The following CDKN2AIP variants were observed in gnomAD, a reference collection of about 807,000 sequenced individuals.
The protein encoded by CDKN2AIP is CDKN2A-interacting protein.
CDKN2AIP carries 12 observed loss-of-function variants against 44.1 expected under a neutral mutation model. The ratio of observed to expected loss-of-function variants is 0.27; its 90% CI spans 0.17 to 0.44. The LOEUF (loss-of-function observed/expected upper bound fraction) is 0.44. Among genes scored for constraint, CDKN2AIP ranks in the 20% least tolerant of loss-of-function variants. The probability of loss-of-function intolerance (pLI) is 1.00; values close to 1 mark genes in which losing one functional copy is unlikely to be tolerated. For missense variants in CDKN2AIP, 705 were observed against 681.6 expected (o/e 1.03, Z -0.38); for synonymous variants, 291 against 272.1 (o/e 1.07, Z -0.68).
chr4:183,445,493 AG>A (rs764034598), intron 1 of CDKN2AIP, 41 bp from the exon 2 acceptor site: 16 of 1,562,044 alleles, frequency 1.0e-5, no homozygotes, highest in Non-Finnish European at 1.3e-5. Context: ...GTAGGACCTT[AG>A]AAAAAACACT....
Position 183,446,099 on chromosome 4 carries a change from GA to G in CDKN2AIP, c.416del (p.Glu139GlyfsTer8). On this transcript the variant is annotated frameshift_variant, in exon 3 of 3. Coordinates refer to ENST00000504169, the MANE Select transcript of CDKN2AIP (RefSeq NM_017632.4). LOFTEE classifies it high-confidence loss of function. ...GISSSNEGVE[E>X]PSKKRVIEGK... ...TTTCTTCTTTTTAGAAGGGGTAGAA[GA>G]GCCATCCAAAAAACGAGTTATAGAA... The G allele has an allele frequency of 6.2e-7, 1 of 1,608,586 alleles. No individual in the cohort carries two copies. Among genetic ancestry groups the G allele is most frequent in the Non-Finnish European group, 8.5e-7 (1 of 1,177,574 alleles).
chr4:183,445,898 T>G lies in CDKN2AIP; in HGVS notation c.404-190T>G, dbSNP rs1025442577. On this transcript the variant is annotated intron_variant, in intron 2 of 2. Transcript: ENST00000504169. Reference sequence around the variant, plus strand: ...GTCCACTGTTGTCTGATGCTGTTATTTTTTTAATATTAGACATTCATGATG... The same window carrying G: ...GTCCACTGTTGTCTGATGCTGTTATGTTTTTAATATTAGACATTCATGATG... 6.7e-5 allele frequency: 43 copies of G among 642,868 alleles called. No homozygotes were observed. The Admixed American group carries it at 1.2e-3, about 19-fold the overall frequency. 39.8% of individuals were successfully genotyped at this position (642,868 alleles called of 1,614,324 possible). A position where few individuals can be genotyped will look rare whatever the true frequency, so the allele number is the denominator to read the frequency against.
In CDKN2AIP at chr4:183,447,431, G is replaced by A; in HGVS notation, c.*4G>A. 1 of 1,511,238 alleles carries A rather than the reference G, an allele frequency of 6.6e-7. No homozygotes were observed. Among genetic ancestry groups the A allele is most frequent in the Non-Finnish European group, 8.8e-7 (1 of 1,131,928 alleles). 93.6% of individuals were successfully genotyped at this position (1,511,238 alleles called of 1,614,324 possible). On this transcript the variant is annotated 3_prime_UTR_variant, in exon 3 of 3. Coordinates refer to ENST00000504169, the MANE Select transcript of CDKN2AIP (RefSeq NM_017632.4). ...ACATCCTCAAGAATTACTATAATGT[G>A]TCCAAAATATCACTGCATACAATAT...
rs1356747110 is a variant in CDKN2AIP, at chr4:183,447,004, C to T, written c.1320C>T (p.Phe440=). The change falls in exon 3 of 3, where the codon TTC becomes TTT. Residue 440 remains phenylalanine, a synonymous_variant. Transcript: ENST00000504169. ...ATGTGAAACAGAAGCAACCTTTTTT[C>T]AATAGACTATATAAAACGGTGGCAT... ...NEDVKQKQPF[F]NRLYKTVAWK... The T allele has an allele frequency of 5.0e-6, 8 of 1,613,896 alleles. No individual in the cohort carries two copies. Among genetic ancestry groups the T allele is most frequent in the South Asian group, 1.1e-5 (1 of 91,056 alleles).
chr4:183,446,107 C>A lies in CDKN2AIP; in HGVS notation c.423C>A (p.Ser141=), dbSNP rs754145820. The A allele has an allele frequency of 1.7e-5, 28 of 1,608,972 alleles. No individual in the cohort carries two copies. Among genetic ancestry groups the A allele is most frequent in the Non-Finnish European group, 2.2e-5 (26 of 1,178,014 alleles). ...SSSNEGVEEP[S]KKRVIEGKNS... Reference sequence around the variant, plus strand: ...TTTTAGAAGGGGTAGAAGAGCCATCCAAAAAACGAGTTATAGAAGGAAAAA... The same window carrying A: ...TTTTAGAAGGGGTAGAAGAGCCATCAAAAAAACGAGTTATAGAAGGAAAAA... The change falls in exon 3 of 3, where the codon TCC becomes TCA. Residue 141 remains serine (S), a synonymous_variant. Transcript: ENST00000504169.
rs1408796336 is a variant in CDKN2AIP, at chr4:183,447,509, C to T, written c.*82C>T. The T allele has an allele frequency of 9.9e-7, 1 of 1,014,822 alleles. No homozygotes were observed. Among genetic ancestry groups the T allele is most frequent in the Non-Finnish European group, 1.4e-6 (1 of 708,360 alleles). 62.9% of individuals were successfully genotyped at this position (1,014,822 alleles called of 1,614,324 possible). ...TTGTATAGTATAAAACACAGGCTTT[C>T]ACAAATTTTGTATTGCTTTTTTTCC... On this transcript the variant is annotated 3_prime_UTR_variant, in exon 3 of 3. Transcript: ENST00000504169.
rs2111229251 is a variant in CDKN2AIP at position 183,448,653 on chromosome 4, A to G, written c.*1226A>G. 6.6e-6 allele frequency among the ~76,000 whole-genome samples: 1 copy of G among 152,292 alleles called. No individual in the cohort carries two copies. Among genetic ancestry groups the G allele is most frequent in the East Asian group, 1.9e-4 (1 of 5,190 alleles). The stretch of plus-strand genomic sequence containing the variant: ...CATTGAGCAATAATGGTGATAATAT[A>G]GAGAGAAAAGAAAGACCTTTCATGG... On this transcript the variant is annotated 3_prime_UTR_variant, in exon 3 of 3. Coordinates refer to ENST00000504169, the MANE Select transcript of CDKN2AIP (RefSeq NM_017632.4).
At chr4:183,445,175 G>A (rs942881277) in intron 1 of CDKN2AIP, 106 bp downstream of exon 1, 87 of 1,393,302 alleles carry the variant, frequency 6.2e-5, no homozygotes, top group Non-Finnish European at 8.1e-5. Flanking sequence ...AGGGGAAGTT[G>A]TGAAGCGCGG....
In CDKN2AIP at chr4:183,445,639, A is replaced by G. The variant is rs1733651022; in HGVS notation, c.377A>G (p.Lys126Arg). 1 of 1,611,856 alleles carries G rather than the reference A, an allele frequency of 6.2e-7. No individual in the cohort carries two copies. Among genetic ancestry groups the G allele is most frequent in the Non-Finnish European group, 8.5e-7 (1 of 1,178,020 alleles). ...TTRDELVAKV[K>R]KRGISSSNEG... is the part of the protein sequence containing the mutation. ...AGAGATGAACTGGTTGCCAAGGTGAAGAAAAGAGGGATATCGAGTAGCAAT... is the reference window on the plus strand; with the variant it reads ...AGAGATGAACTGGTTGCCAAGGTGAGGAAAAGAGGGATATCGAGTAGCAAT... Residue 126 changes from lysine (K) to arginine (R), a missense_variant, in exon 2 of 3, where the codon AAG (lysine) becomes AGG (arginine). Lys to Arg is a conservative substitution (Grantham distance 26). This residue lies in a region of CDKN2AIP where 592 missense variants were observed against 518.0 expected (regional missense o/e 1.14). Transcript: ENST00000504169.
In CDKN2AIP at chr4:183,447,060, C is replaced by T; in HGVS notation, c.1376C>T (p.Pro459Leu). ...TTGGTAGCTGTTGGTGGCTTTAGTCCCAATGTGAATCATGGAGAGCTCCTA... is the reference window on the plus strand; with the variant it reads ...TTGGTAGCTGTTGGTGGCTTTAGTCTCAATGTGAATCATGGAGAGCTCCTA... ...WKLVAVGGFS[P>L]NVNHGELLNA... Residue 459 changes from proline to leucine, a missense_variant, in exon 3 of 3, where the codon CCC becomes CTC. By Grantham distance (98) the Pro-to-Leu change is moderately conservative. Transcript: ENST00000504169. 1 of 1,613,908 alleles carries T rather than the reference C, an allele frequency of 6.2e-7. No individual in the cohort carries two copies.
At position 183,447,316 on chromosome 4, in the gene CDKN2AIP, A is replaced by G; in HGVS notation, c.1632A>G (p.Ile544Met). Reference sequence around the variant, plus strand: ...TCAAGAAAAAGGTGGTGGTAAAAATATGTAAAAGGAAATACAGAGGCAGTG... The same window carrying G: ...TCAAGAAAAAGGTGGTGGTAAAAATGTGTAAAAGGAAATACAGAGGCAGTG... Reference protein sequence around the residue: ...LFLKKKVVVKICKRKYRGSEI... With the variant: ...LFLKKKVVVKMCKRKYRGSEI... Residue 544 changes from isoleucine to methionine, a missense_variant, in exon 3 of 3, where the codon ATA becomes ATG. Ile to Met is a conservative substitution (Grantham distance 10). Transcript: ENST00000504169. The G allele has an allele frequency of 6.2e-7, 1 of 1,612,432 alleles. No homozygotes were observed. The highest frequency in any genetic ancestry group is 1.1e-5 in the South Asian group (1 of 90,722).
rs1733649349 is a variant in CDKN2AIP at position 183,445,572 on chromosome 4, G to T, written c.310G>T (p.Ala104Ser). ...QKVMDKILSM[A>S]EGIKVTDAPT... ...AGTTATGGATAAAATACTTAGTATGGCTGAAGGCATCAAAGTGACAGATGC... is the reference window on the plus strand; with the variant it reads ...AGTTATGGATAAAATACTTAGTATGTCTGAAGGCATCAAAGTGACAGATGC... The change falls in exon 2 of 3, where the codon GCT (alanine) becomes TCT (serine). Residue 104 changes from alanine (A) to serine (S), a missense_variant. Transcript: ENST00000504169. 1.2e-6 allele frequency: 2 copies of T among 1,609,774 alleles called. No homozygotes were observed. Among genetic ancestry groups the T allele is most frequent in the Non-Finnish European group, 8.5e-7 (1 of 1,176,098 alleles).
In CDKN2AIP at chr4:183,446,874, C is replaced by T; in HGVS notation, c.1190C>T (p.Ala397Val). 2 of 1,614,114 alleles carry T rather than the reference C, an allele frequency of 1.2e-6. No homozygotes were observed. Among genetic ancestry groups the T allele is most frequent in the Non-Finnish European group, 1.7e-6 (2 of 1,179,972 alleles). The part of the protein sequence containing the change: ...STSLASVSQL[A>V]SKSSSQTSTS... ...TCCTTAGCAAGTGTGTCCCAGTTGG[C>T]TTCTAAGAGTAGTTCTCAGACTAGC... Residue 397 changes from alanine to valine, a missense_variant, in exon 3 of 3, where the codon GCT (alanine) becomes GTT (valine). Physicochemically the swap from Ala to Val is moderately conservative, Grantham distance 64 (BLOSUM62 0). Coordinates refer to ENST00000504169, the MANE Select transcript of CDKN2AIP (RefSeq NM_017632.4).
intron 2 of CDKN2AIP, 73 bp from the exon 3 acceptor site, chr4:183,446,015 A>G: frequency 8.4e-7 from 1 of 1,184,862 alleles, no homozygotes. Context: ...CTTTATTTTA[A>G]TGTGTATTTG....
In CDKN2AIP at chr4:183,447,217, T is replaced by C; in HGVS notation, c.1533T>C (p.Tyr511=). The change falls in exon 3 of 3, where the codon TAT becomes TAC. Residue 511 remains tyrosine, a synonymous_variant. Transcript: ENST00000504169. ...IVCELRCKSV[Y]LGTGCGKSKE... ...GTGAATTGAGGTGCAAGTCTGTGTA[T>C]TTGGGCACTGGCTGTGGAAAAAGCA... The C allele has an allele frequency of 2.5e-6, 4 of 1,613,114 alleles. No homozygotes were observed. The South Asian group carries it at 4.4e-5, about 18-fold the overall frequency.
chr4:183,446,775 C>A lies in CDKN2AIP; in HGVS notation c.1091C>A (p.Ser364Tyr). ...TCGCTGCTAACTTCCAAGAGCACTT[C>A]CCAGGTAGCTGCATCACTACTAGCT... ...NTSLLTSKST[S>Y]QVAASLLASK... The change falls in exon 3 of 3, where the codon TCC becomes TAC. Residue 364 changes from serine to tyrosine, a missense_variant. Ser to Tyr is a moderately radical substitution (Grantham distance 144, BLOSUM62 -2). This residue lies in a region of CDKN2AIP where 592 missense variants were observed against 518.0 expected (regional missense o/e 1.14). Coordinates refer to ENST00000504169, the MANE Select transcript of CDKN2AIP (RefSeq NM_017632.4). 1 of 1,614,200 alleles carries A rather than the reference C, an allele frequency of 6.2e-7. No homozygotes were observed. The highest frequency in any genetic ancestry group is 1.1e-5 in the South Asian group (1 of 91,082).
At position 183,447,055 on chromosome 4, in the gene CDKN2AIP, T is replaced by G; in HGVS notation, c.1371T>G (p.Phe457Leu). 6.2e-7 allele frequency: 1 copy of G among 1,614,140 alleles called. No individual in the cohort carries two copies. Among genetic ancestry groups the G allele is most frequent in the Non-Finnish European group, 8.5e-7 (1 of 1,179,990 alleles). The part of the protein sequence containing the change: ...VAWKLVAVGG[F>L]SPNVNHGELL... Reference sequence around the variant, plus strand: ...GGAAGTTGGTAGCTGTTGGTGGCTTTAGTCCCAATGTGAATCATGGAGAGC... The same window carrying G: ...GGAAGTTGGTAGCTGTTGGTGGCTTGAGTCCCAATGTGAATCATGGAGAGC... The change falls in exon 3 of 3, where the codon TTT becomes TTG. Residue 457 changes from phenylalanine to leucine, a missense_variant. By Grantham distance (22) the Phe-to-Leu change is conservative. Around this residue, in one of 2 missense-constraint regions of CDKN2AIP, gnomAD observed 113 missense variants for 163.6 expected, o/e 0.69. Coordinates refer to ENST00000504169, the MANE Select transcript of CDKN2AIP (RefSeq NM_017632.4).
chr4:183,448,293 A>G lies in CDKN2AIP; in HGVS notation c.*866A>G, dbSNP rs1733725922. ...TTAGACAACCAGGTAATTGTGTGAT[A>G]TACATCTTTATTTAATTTTTTTTTT... On this transcript the variant is annotated 3_prime_UTR_variant, in exon 3 of 3. Transcript: ENST00000504169. 6.6e-6 allele frequency: 1 copy of G among 152,100 alleles called. No homozygotes were observed. Among genetic ancestry groups the G allele is most frequent in the Non-Finnish European group, 1.5e-5 (1 of 68,006 alleles). The allele number at this position is 152,100 out of a possible 1,614,324, so 9.4% of individuals were successfully genotyped here.
Position 183,447,100 on chromosome 4 carries a change from G to A in CDKN2AIP, c.1416G>A (p.Glu472=). The A allele has an allele frequency of 6.2e-7, 1 of 1,614,020 alleles. No individual in the cohort carries two copies. The highest frequency in any genetic ancestry group is 8.5e-7 in the Non-Finnish European group (1 of 1,179,904). The part of the protein sequence containing the change: ...NHGELLNAAI[E]ALKATLDVFF... ...GAGAGCTCCTAAATGCAGCTATTGA[G>A]GCTCTGAAAGCAACACTGGATGTAT... Residue 472 remains glutamate, a synonymous_variant, in exon 3 of 3, where the codon GAG becomes GAA. Transcript: ENST00000504169.
Sources: gnomAD v4.1 joint callset for allele counts (sites outside exome capture counted in the v4.1 genomes callset) on GRCh38, gnomAD v4.1.1 for gene constraint, gnomAD v4.1.1 regional missense constraint, MANE v1.5 for transcripts, NCBI Gene and HGNC (gene_info 2026-07-23, HGNC 2026-07-21) for gene names.